Variants in ARG2 observed in about 807,000 individuals in gnomAD.
The protein encoded by ARG2 is arginase 2.
ARG2 carries 21 observed loss-of-function variants against 39.4 expected under a neutral mutation model. That is an observed-to-expected ratio of 0.53 (90% confidence interval 0.38 to 0.77). The LOEUF is 0.77. ARG2 is among the 30% of genes least tolerant of loss of function. ARG2 has a pLI of 0.00. For synonymous variants in ARG2, 150 were observed against 156.7 expected (o/e 0.96, Z 0.32); for missense variants, 378 against 426.2 (o/e 0.89, Z 1.00).
chr14:67,642,534 A>C (rs2037044507), intron 3 of ARG2, among the ~76,000 whole-genome samples, 171 bp downstream of exon 3: 2 of 152,202 alleles, frequency 1.3e-5, no homozygotes, highest in South Asian at 4.1e-4. Flanking sequence ...GAGCTGCTCA[A>C]GGGGCACTGT....
intron 2 of ARG2, among the ~76,000 whole-genome samples, chr14:67,634,790 A>C (rs1025780834): frequency 6.6e-5 from 10 of 152,234 alleles, no homozygotes; most frequent in African/African-American, 2.4e-4. Context: ...AGAACCTAAG[A>C]GATTACAGTG....
intron 7 of ARG2, 157 bp from the exon 8 acceptor site, chr14:67,650,558 A>G (rs907595683): frequency 3.7e-6 from 2 of 547,462 alleles, no homozygotes; most frequent in Admixed American, 7.9e-5. Context: ...CATGGCCAAG[A>G]GGATGAGGTG....
chr14:67,648,527 G>A (rs1277841530), intron 7 of ARG2: 1 of 172,610 alleles, frequency 5.8e-6, no homozygotes, highest in Admixed American at 6.1e-5. Context: ...GTGCAAGGCT[G>A]TAATTTGCAC....
chr14:67,635,025 G>T (rs1303176362), intron 2 of ARG2, among the ~76,000 whole-genome samples: 2 of 152,072 alleles, frequency 1.3e-5, no homozygotes, highest in Non-Finnish European at 2.9e-5. Flanking sequence ...AGGGTGGATC[G>T]CCTGAGGCCA....
intron 3 of ARG2, among the ~76,000 whole-genome samples, chr14:67,643,427 A>T (rs553305607): frequency 6.6e-6 from 1 of 152,376 alleles, no homozygotes; most frequent in East Asian, 1.9e-4. Flanking sequence ...TACTAGGAGT[A>T]TTGAGCACTC....
intron 2 of ARG2, among the ~76,000 whole-genome samples, chr14:67,621,506 A>C (rs1413594914): frequency 6.7e-6 from 1 of 150,152 alleles, no homozygotes; most frequent in Non-Finnish European, 1.5e-5. Context: ...CCCAGGCTGG[A>C]GTGCAGTGAT....
rs1266692542 is a variant in ARG2, at chr14:67,646,693, C to T, written c.572C>T (p.Ala191Val). 6.2e-7 allele frequency: 1 copy of T among 1,613,836 alleles called. No homozygotes were observed. The highest frequency in any genetic ancestry group is 1.7e-5 in the Admixed American group (1 of 59,994). The change falls in exon 5 of 8, where the codon GCA becomes GTA. Residue 191 changes from alanine to valine, a missense_variant. Ala to Val is a moderately conservative substitution (Grantham distance 64). Coordinates refer to ENST00000261783, the MANE Select transcript of ARG2 (RefSeq NM_001172.4). ...TGGATCAAACCTTGTATCTCTTCTGCAAGTATTGTGTATATTGGTCTGAGA... is the reference window on the plus strand; with the variant it reads ...TGGATCAAACCTTGTATCTCTTCTGTAAGTATTGTGTATATTGGTCTGAGA... ...FSWIKPCISS[A>V]SIVYIGLRDV... is the part of the protein sequence containing the mutation.
rs376522551 is a variant in ARG2, at chr14:67,637,359, C to T, written c.185-4827C>T. Among the ~76,000 whole-genome samples, 7 of 138,246 alleles carry T rather than the reference C, an allele frequency of 5.1e-5. No homozygotes were observed. In the East Asian group the frequency reaches 6.7e-4, roughly 13 times the overall value. 90.7% of individuals were successfully genotyped at this position (138,246 alleles called of 152,430 possible). On this transcript the variant is annotated intron_variant, in intron 2 of 7. Coordinates refer to ENST00000261783, the MANE Select transcript of ARG2 (RefSeq NM_001172.4). ...CAGGGAGGTGGAGGTTGCAGTGAGC[C>T]GAGATCATGCCATTGCACTCCAGCC...
At position 67,632,808 on chromosome 14, in the gene ARG2, ATTTTTTTTTTTTTT is replaced by A. The variant is rs55642854; in HGVS notation, c.185-9361_185-9348del. The stretch of plus-strand genomic sequence containing the variant: ...TCAACAGGGAGAATTAAGCCTCTTA[ATTTTTTTTTTTTTT>A]TTTTTTTTTTTTTTTTGAGGCAGAG... On this transcript the variant is annotated intron_variant, in intron 2 of 7. Transcript: ENST00000261783. Among the ~76,000 whole-genome samples, 129 of 62,418 alleles carry A rather than the reference ATTTTTTTTTTTTTT, an allele frequency of 2.1e-3. 1 individual carries two copies. The highest frequency in any genetic ancestry group is 2.8e-3 in the Non-Finnish European group (100 of 35,702). 40.9% of individuals were successfully genotyped at this position (62,418 alleles called of 152,430 possible). A position where few individuals can be genotyped will look rare whatever the true frequency, so the allele number is the denominator to read the frequency against.
chr14:67,642,045 CAA>C, intron 2 of ARG2, 139 bp from the exon 3 acceptor site: 1 of 838,774 alleles, frequency 1.2e-6, no homozygotes. Flanking sequence ...AATCTTCCCA[CAA>C]TCATTTGACA....
At chr14:67,643,938 A>G (rs2037065147) in intron 3 of ARG2, among the ~76,000 whole-genome samples, 1 of 149,010 alleles carries the variant, frequency 6.7e-6, no homozygotes, top group Non-Finnish European at 1.5e-5. Context: ...TGACTAGGCC[A>G]TTCAATTAAA....
intron 2 of ARG2, among the ~76,000 whole-genome samples, chr14:67,634,321 G>A (rs999807145): frequency 3.3e-5 from 5 of 151,510 alleles, no homozygotes; most frequent in Admixed American, 2.0e-4. Flanking sequence ...GGCTGGGTGC[G>A]ATGGCTCACA....
In ARG2 at chr14:67,621,088, C is replaced by G. The variant is rs1478503765; in HGVS notation, c.184+122C>G. The G allele has an allele frequency of 2.8e-5, 25 of 895,672 alleles. No homozygotes were observed. The East Asian group carries it at 6.5e-4, about 23-fold the overall frequency. The allele number at this position is 895,672 out of a possible 1,614,324, so 55.5% of individuals were successfully genotyped here. A position where few individuals can be genotyped will look rare whatever the true frequency, so the allele number is the denominator to read the frequency against. ...GGGAACAGTCTGCCACATCCCGCATCCTCCTTTGGATTCCGTCTGCGGCTT... is the reference window on the plus strand; with the variant it reads ...GGGAACAGTCTGCCACATCCCGCATGCTCCTTTGGATTCCGTCTGCGGCTT... On this transcript the variant is annotated intron_variant, in intron 2 of 7. Coordinates refer to ENST00000261783, the MANE Select transcript of ARG2 (RefSeq NM_001172.4).
chr14:67,632,202 A>G (rs1029185198), intron 2 of ARG2, among the ~76,000 whole-genome samples: 1 of 152,092 alleles, frequency 6.6e-6, no homozygotes. Flanking sequence ...TTTATCTCTA[A>G]TACTTATTTT....
At chr14:67,622,611 T>C (rs2036822207) in intron 2 of ARG2, among the ~76,000 whole-genome samples, 1 of 152,210 alleles carries the variant, frequency 6.6e-6, no homozygotes, top group Non-Finnish European at 1.5e-5. Flanking sequence ...AAGTTTTTAT[T>C]CCCGCCCATA....
Position 67,620,086 on chromosome 14 carries a change from C to G in ARG2, c.109C>G (p.Gln37Glu), listed in dbSNP as rs773971877. Reference sequence around the variant, plus strand: ...GATAGGAGCCCCGTTCTCACAAGGGCAGGTGAGAACTGGCACCTGGAACCG... The same window carrying G: ...GATAGGAGCCCCGTTCTCACAAGGGGAGGTGAGAACTGGCACCTGGAACCG... Reference protein sequence around the residue: ...AVIGAPFSQGQKRKGVEHGPA... With the variant: ...AVIGAPFSQGEKRKGVEHGPA... Residue 37 changes from glutamine to glutamate, a missense_variant and splice_region_variant, in exon 1 of 8, where the codon CAG becomes GAG. Gln to Glu is a conservative substitution (Grantham distance 29, BLOSUM62 2). Transcript: ENST00000261783. 1 of 1,598,774 alleles carries G rather than the reference C, an allele frequency of 6.3e-7. No individual in the cohort carries two copies. The highest frequency in any genetic ancestry group is 2.3e-5 in the East Asian group (1 of 43,898).
intron 2 of ARG2, among the ~76,000 whole-genome samples, chr14:67,639,924 CA>C (rs5809358): frequency 0.34 from 20,762 of 61,408 alleles, 1,080 homozygotes; most frequent in South Asian, 0.5. Context: ...GACCCTGTCT[CA>C]AAAAAAAAAA....
intron 2 of ARG2, among the ~76,000 whole-genome samples, chr14:67,622,126 C>T (rs2036816948): frequency 1.3e-5 from 2 of 152,086 alleles, no homozygotes; most frequent in African/African-American, 2.4e-5. Flanking sequence ...CAGGAAGGTT[C>T]TTCTTTATAT....
At chr14:67,641,140 C>G (rs984083551) in intron 2 of ARG2, among the ~76,000 whole-genome samples, 3 of 152,124 alleles carry the variant, frequency 2.0e-5, no homozygotes, top group African/African-American at 7.2e-5. Context: ...CCTTTGTTTT[C>G]TGATGGTTTA....
Sources: gnomAD v4.1 joint callset for allele counts (sites outside exome capture counted in the v4.1 genomes callset) on GRCh38, gnomAD v4.1.1 for gene constraint, MANE v1.5 for transcripts, NCBI Gene and HGNC (gene_info 2026-07-23, HGNC 2026-07-21) for gene names.